LRRC4C: variants seen among roughly 807,000 people sequenced by gnomAD.
The protein encoded by LRRC4C is leucine rich repeat containing 4C, also known as leucine-rich repeat-containing protein 4C.
In LRRC4C, 5 loss-of-function variants were observed where a neutral mutation model predicts 33.6. That is an observed-to-expected ratio of 0.15 (90% confidence interval 0.08 to 0.31). LRRC4C has a LOEUF of 0.31. LRRC4C is among the 10% of genes least tolerant of loss of function. LRRC4C has a pLI of 1.00. For synonymous variants in LRRC4C, 329 were observed against 302.0 expected, an observed-to-expected ratio of 1.09 and a Z score of -0.93; for missense variants, 560 against 796.7, an observed-to-expected ratio of 0.70 and a Z score of 3.58.
At chr11:41,161,145 T>A (rs1396422818) in intron 1 of LRRC4C, among the ~76,000 whole-genome samples, 1 of 152,188 alleles carries the variant, frequency 6.6e-6, no homozygotes, top group Non-Finnish European at 1.5e-5. Flanking sequence ...AATAGTTTAT[T>A]CCATGTAACG....
At chr11:40,891,992 G>T (rs145179774) in intron 2 of LRRC4C, among the ~76,000 whole-genome samples, 8 of 151,758 alleles carry the variant, frequency 5.3e-5, no homozygotes, top group Non-Finnish European at 1.5e-5. Context: ...AAAATTAGCC[G>T]GGCGTGGTGG....
At chr11:40,117,738 C>T (rs555705288) in intron 6 of LRRC4C, among the ~76,000 whole-genome samples, 17 of 151,788 alleles carry the variant, frequency 1.1e-4, no homozygotes, top group Admixed American at 9.9e-4. Context: ...GGGGTCACCA[C>T]ATTTCAATTC....
chr11:41,285,424 GAT>G (rs1949794229), intron 1 of LRRC4C, among the ~76,000 whole-genome samples: 2 of 152,182 alleles, frequency 1.3e-5, no homozygotes, highest in African/African-American at 4.8e-5. Flanking sequence ...TGCTAAGCAA[GAT>G]ATTGATTATT....
chr11:40,804,605 C>A (rs1174068201), intron 2 of LRRC4C, among the ~76,000 whole-genome samples: 1 of 152,164 alleles, frequency 6.6e-6, no homozygotes, highest in Admixed American at 6.5e-5. Flanking sequence ...GTTCCCCAAG[C>A]ATGTATTATT....
chr11:40,596,255 C>A (rs906012137), intron 3 of LRRC4C, among the ~76,000 whole-genome samples: 8 of 152,130 alleles, frequency 5.3e-5, no homozygotes, highest in African/African-American at 1.7e-4. Flanking sequence ...GAGAGAAATT[C>A]AAAATTAGCT....
At chr11:40,741,002 C>G (rs1170385630) in intron 2 of LRRC4C, among the ~76,000 whole-genome samples, 1 of 151,872 alleles carries the variant, frequency 6.6e-6, no homozygotes, top group Non-Finnish European at 1.5e-5. Context: ...TATGCCAGTA[C>G]CATATTTTTT....
chr11:40,455,796 A>C (rs2138131894), intron 3 of LRRC4C, among the ~76,000 whole-genome samples: 1 of 152,264 alleles, frequency 6.6e-6, no homozygotes, highest in African/African-American at 2.4e-5. Context: ...TAATTGAAAT[A>C]GATAGCACAG....
intron 3 of LRRC4C, among the ~76,000 whole-genome samples, chr11:40,513,401 G>A (rs1390223324): frequency 6.6e-6 from 1 of 152,114 alleles, no homozygotes; most frequent in Non-Finnish European, 1.5e-5. Flanking sequence ...ATGAGAATAA[G>A]CTACATTAGA....
At chr11:40,715,007 C>T (rs374515429) in intron 2 of LRRC4C, among the ~76,000 whole-genome samples, 4 of 152,098 alleles carry the variant, frequency 2.6e-5, no homozygotes, top group Non-Finnish European at 5.9e-5. Context: ...CTGCTGACTA[C>T]GGGCAGGCAA....
At chr11:40,504,785 T>C (rs1055337672) in intron 3 of LRRC4C, among the ~76,000 whole-genome samples, 1 of 152,178 alleles carries the variant, frequency 6.6e-6, no homozygotes, top group Non-Finnish European at 1.5e-5. Context: ...TTTTATGTTT[T>C]ATTTAGAGAG....
intron 1 of LRRC4C, among the ~76,000 whole-genome samples, chr11:41,292,591 A>G (rs899000369): frequency 2.8e-4 from 43 of 152,212 alleles, no homozygotes; most frequent in African/African-American, 1.0e-3. Context: ...TACATACTCA[A>G]TACTCTTGTA....
At chr11:41,130,828 T>A (rs1942977596) in intron 1 of LRRC4C, among the ~76,000 whole-genome samples, 1 of 152,020 alleles carries the variant, frequency 6.6e-6, no homozygotes, top group Non-Finnish European at 1.5e-5. Flanking sequence ...ACAAATTTGT[T>A]CCTCCACACT....
rs891231056 is a variant in LRRC4C at position 40,617,319 on chromosome 11, A to G, written c.-270+30823T>C. Among the ~76,000 whole-genome samples, 6 of 151,688 alleles carry G rather than the reference A, an allele frequency of 4.0e-5. No homozygotes were observed. The South Asian group carries it at 1.2e-3, about 31-fold the overall frequency. On this transcript the variant is annotated intron_variant, in intron 3 of 6. Coordinates refer to ENST00000528697, the MANE Select transcript of LRRC4C (RefSeq NM_001258419.2). ...ACTTGTATAAAGGAGGTTTAGGTCTAAAGAATTCCATATCCCTAAAGTCCT... is the reference window on the plus strand; with the variant it reads ...ACTTGTATAAAGGAGGTTTAGGTCTGAAGAATTCCATATCCCTAAAGTCCT...
intron 2 of LRRC4C, among the ~76,000 whole-genome samples, chr11:40,689,163 A>G (rs917188395): frequency 7.2e-5 from 11 of 152,082 alleles, no homozygotes; most frequent in African/African-American, 1.4e-4. Flanking sequence ...AACAAAGAAC[A>G]ATGGTTTTGA....
At chr11:40,680,132 G>T (rs1433630563) in intron 2 of LRRC4C, among the ~76,000 whole-genome samples, 1 of 152,172 alleles carries the variant, frequency 6.6e-6, no homozygotes, top group African/African-American at 2.4e-5. Flanking sequence ...CTGTCCTGCT[G>T]GATAATCGAA....
intron 1 of LRRC4C, among the ~76,000 whole-genome samples, chr11:41,353,885 T>C (rs1458020509): frequency 1.3e-5 from 2 of 151,918 alleles, no homozygotes; most frequent in African/African-American, 2.4e-5. Flanking sequence ...CACAAAATAA[T>C]AACAGCCATC....
chr11:40,670,434 C>T (rs1476400493), intron 2 of LRRC4C, among the ~76,000 whole-genome samples: 1 of 152,188 alleles, frequency 6.6e-6, no homozygotes, highest in Non-Finnish European at 1.5e-5. Context: ...TAAAGAGAAG[C>T]ATGTCTATAT....
intron 4 of LRRC4C, among the ~76,000 whole-genome samples, chr11:40,305,388 G>T (rs905210354): frequency 6.6e-6 from 1 of 152,120 alleles, no homozygotes; most frequent in Non-Finnish European, 1.5e-5. Flanking sequence ...TCATAGAATG[G>T]TACCAAGCAC....
At chr11:41,373,363 C>A (rs571483425) in intron 1 of LRRC4C, among the ~76,000 whole-genome samples, 1 of 152,056 alleles carries the variant, frequency 6.6e-6, no homozygotes, top group Non-Finnish European at 1.5e-5. Context: ...TTAAGATATA[C>A]GTATACATAC....
Sources: gnomAD v4.1 joint callset for allele counts (sites outside exome capture counted in the v4.1 genomes callset) on GRCh38, gnomAD v4.1.1 for gene constraint, MANE v1.5 for transcripts, NCBI Gene and HGNC (gene_info 2026-07-23, HGNC 2026-07-21) for gene names.